PHACTR4: variants seen among roughly 807,000 people sequenced by gnomAD.
PHACTR4 encodes phosphatase and actin regulator 4.
In PHACTR4, 51 loss-of-function variants were observed where a neutral mutation model predicts 72.7. That is an observed-to-expected ratio of 0.70 (90% CI 0.56 to 0.89). The LOEUF (loss-of-function observed/expected upper bound fraction) is 0.89. Ranked by LOEUF, PHACTR4 falls within the 40% of genes least tolerant of loss-of-function variation. The pLI, the probability that PHACTR4 is intolerant of heterozygous loss-of-function variation, is 0.00. For synonymous variants in PHACTR4, 255 were observed against 302.5 expected (o/e 0.84, Z 1.63); for missense variants, 731 against 861.8 (o/e 0.85, Z 1.90).
rs1656760944 is a variant in PHACTR4 at position 28,438,264 on chromosome 1, GT to G, written c.17-20818del. The G allele has an allele frequency of 6.2e-6, 9 of 1,458,136 alleles. No homozygotes were observed. The East Asian group carries it at 2.4e-4, about 39-fold the overall frequency. 90.3% of individuals were successfully genotyped at this position (1,458,136 alleles called of 1,614,324 possible). ...AACTGACCTTATGCCATTTCCTGAT[GT>G]TTGGCAGTGACACTGAAAGAGGACC... On this transcript the variant is annotated intron_variant, in intron 2 of 13. Transcript: ENST00000373839.
chr1:28,455,112 C>A (rs1241683713), intron 2 of PHACTR4, among the ~76,000 whole-genome samples: 1 of 151,650 alleles, frequency 6.6e-6, no homozygotes, highest in Admixed American at 6.6e-5. Flanking sequence ...TCAAGTGATC[C>A]ACCTGTCTCG....
chr1:28,433,290 G>A (rs1182178882), intron 2 of PHACTR4, among the ~76,000 whole-genome samples: 2 of 151,852 alleles, frequency 1.3e-5, no homozygotes, highest in African/African-American at 2.4e-5. Context: ...TAATTTTAAT[G>A]TCATTAGTGT....
In PHACTR4 at chr1:28,490,968, C is replaced by T. The variant is rs76093678; in HGVS notation, c.1834C>T (p.Arg612Cys). The T allele has an allele frequency of 6.2e-7, 1 of 1,613,798 alleles. No individual in the cohort carries two copies. The highest frequency in any genetic ancestry group is 1.7e-5 in the Admixed American group (1 of 59,986). ...AACTGTAGCTAAAAATGAAGCTGAT[C>T]GTCAGGCAGAAAAACGAGAAATTAA... ...NILQPKNEAD[R>C]QAEKREIKRR... The change falls in exon 11 of 14, where the codon CGT becomes TGT. Residue 612 changes from arginine to cysteine, a missense_variant. Physicochemically the swap from Arg to Cys is radical, Grantham distance 180. Coordinates refer to ENST00000373839, the MANE Select transcript of PHACTR4 (RefSeq NM_001048183.3).
intron 1 of PHACTR4, among the ~76,000 whole-genome samples, chr1:28,371,087 T>C (rs1651211389): frequency 6.6e-6 from 1 of 152,174 alleles, no homozygotes; most frequent in Admixed American, 6.6e-5. Flanking sequence ...ACTGCATTGC[T>C]AGAATCAGCT....
At chr1:28,402,836 T>C (rs1418805154) in intron 1 of PHACTR4, among the ~76,000 whole-genome samples, 1 of 152,204 alleles carries the variant, frequency 6.6e-6, no homozygotes, top group Non-Finnish European at 1.5e-5. Context: ...ATTTTGTTAA[T>C]GGAAACTTTC....
rs1337255430 is a variant in PHACTR4 at position 28,468,436 on chromosome 1, C to CA, written c.823+1674dup. 2.6e-5 allele frequency among the ~76,000 whole-genome samples: 4 copies of CA among 151,996 alleles called. No homozygotes were observed. In the East Asian group the frequency reaches 7.7e-4, roughly 29 times the overall value. On this transcript the variant is annotated intron_variant, in intron 6 of 13. Transcript: ENST00000373839. ...TGAAACGCCATCTCTACTAAAAATA[C>CA]AAAAAATTAGCCGGGCATGGTGGTA...
intron 1 of PHACTR4, among the ~76,000 whole-genome samples, chr1:28,372,450 G>T (rs1310743135): frequency 6.6e-6 from 1 of 152,102 alleles, no homozygotes; most frequent in African/African-American, 2.4e-5. Context: ...GTATAGGGAT[G>T]GTAGATCCTT....
At chr1:28,488,668 G>T (rs1327769658) in intron 9 of PHACTR4, among the ~76,000 whole-genome samples, 2 of 151,756 alleles carry the variant, frequency 1.3e-5, no homozygotes, top group African/African-American at 4.8e-5. Flanking sequence ...CTAAAGAGGG[G>T]CATCTGAGTC....
intron 1 of PHACTR4, among the ~76,000 whole-genome samples, chr1:28,397,419 G>A (rs1229007274): frequency 1.3e-5 from 2 of 152,186 alleles, no homozygotes; most frequent in Non-Finnish European, 2.9e-5. Flanking sequence ...TCCAATGAAA[G>A]ATAATGCAAG....
At chr1:28,402,871 A>G (rs949888762) in intron 1 of PHACTR4, among the ~76,000 whole-genome samples, 4 of 152,234 alleles carry the variant, frequency 2.6e-5, no homozygotes, top group African/African-American at 9.6e-5. Context: ...ATCATCCCCT[A>G]GGATTGATAT....
rs761906465 is a variant in PHACTR4 at position 28,396,765 on chromosome 1, TC to T, written c.-38-10644del. ...CCTCTGCCTCCTGGGTTCAAGCGAT[TC>T]TCCTGCCTCAGCCTCCTGAGTAGCT... On this transcript the variant is annotated intron_variant, in intron 1 of 13. Transcript: ENST00000373839. Among the ~76,000 whole-genome samples the T allele has an allele frequency of 4.0e-5, 6 of 150,778 alleles. No individual in the cohort carries two copies. The East Asian group carries it at 5.9e-4, about 15-fold the overall frequency.
At chr1:28,450,549 A>C (rs963534331) in intron 2 of PHACTR4, among the ~76,000 whole-genome samples, 1 of 152,088 alleles carries the variant, frequency 6.6e-6, no homozygotes, top group Non-Finnish European at 1.5e-5. Flanking sequence ...GGGTGTACTT[A>C]TATAATTTTT....
chr1:28,442,378 C>T (rs566713618), intron 2 of PHACTR4, among the ~76,000 whole-genome samples: 1 of 151,084 alleles, frequency 6.6e-6, no homozygotes, highest in Non-Finnish European at 1.5e-5. Context: ...ACAGGAGAAT[C>T]GCTTGAAACA....
chr1:28,383,671 A>G (rs905422831), intron 1 of PHACTR4, among the ~76,000 whole-genome samples: 1 of 152,080 alleles, frequency 6.6e-6, no homozygotes, highest in South Asian at 2.1e-4. Context: ...GTTGAGGTAT[A>G]GGAATGTTAG....
chr1:28,400,766 G>A (rs1653884815), intron 1 of PHACTR4, among the ~76,000 whole-genome samples: 1 of 152,164 alleles, frequency 6.6e-6, no homozygotes, highest in East Asian at 1.9e-4. Flanking sequence ...TTTTAGTAGA[G>A]ACGGGGTTTC....
intron 1 of PHACTR4, among the ~76,000 whole-genome samples, chr1:28,384,211 C>T (rs757386469): frequency 6.6e-6 from 1 of 152,028 alleles, no homozygotes; most frequent in African/African-American, 2.4e-5. Context: ...CCTCTTCATT[C>T]TTTTGGAATG....
chr1:28,458,164 C>T (rs1658545730), intron 2 of PHACTR4, among the ~76,000 whole-genome samples: 1 of 139,750 alleles, frequency 7.2e-6, no homozygotes, highest in Non-Finnish European at 1.6e-5. Flanking sequence ...GTGTTTGAGA[C>T]AGGCTCTCAC....
rs775487381 is a variant in PHACTR4, at chr1:28,460,256, G to A, written c.235G>A (p.Val79Ile). 11 of 1,613,786 alleles carry A rather than the reference G, an allele frequency of 6.8e-6. No homozygotes were observed. Among genetic ancestry groups the A allele is most frequent in the Admixed American group, 1.7e-5 (1 of 59,992 alleles). ...TATGCGAAAGCCAAGAGAAGAGCTG[G>A]TTAAAAGAGGGGTTCTGTTGGAAGA... is the stretch of plus-strand genomic sequence containing the variant. ...ISMRKPREEL[V>I]KRGVLLEDPE... is the part of the protein sequence containing the mutation. The change falls in exon 4 of 14, where the codon GTT (valine) becomes ATT (isoleucine). Residue 79 changes from valine (V) to isoleucine (I), a missense_variant. Val to Ile is a conservative substitution (Grantham distance 29). This residue lies in a region of PHACTR4 where 621 missense variants were observed against 676.6 expected (regional missense o/e 0.92). Transcript: ENST00000373839.
At chr1:28,493,150 C>T (rs1259135864) in intron 13 of PHACTR4, 59 bp downstream of exon 13, 1 of 1,450,326 alleles carries the variant, frequency 6.9e-7, no homozygotes, top group African/African-American at 1.4e-5. Flanking sequence ...AAAAATTGTT[C>T]AGATATGAAG....
Sources: gnomAD v4.1 joint callset for allele counts (sites outside exome capture counted in the v4.1 genomes callset) on GRCh38, gnomAD v4.1.1 for gene constraint, gnomAD v4.1.1 regional missense constraint, MANE v1.5 for transcripts, NCBI Gene and HGNC (gene_info 2026-07-23, HGNC 2026-07-21) for gene names.